The following WAC variants were observed in gnomAD, a reference collection of about 807,000 sequenced individuals.
WAC encodes the protein WW domain-containing adapter protein with coiled-coil.
Under a neutral mutation model 79.6 loss-of-function variants are expected in WAC, and 11 were observed. The observed-to-expected ratio is 0.14, with a 90% CI of 0.09 to 0.23. The LOEUF (loss-of-function observed/expected upper bound fraction) is 0.23, where lower values mean the gene tolerates loss of function less well. WAC is among the 10% of genes least tolerant of loss of function. The probability of loss-of-function intolerance (pLI) is 1.00; values close to 1 mark genes in which losing one functional copy is unlikely to be tolerated. For missense variants in WAC, 728 were observed against 773.5 expected (o/e 0.94, Z 0.70); for synonymous variants, 304 against 276.9 (o/e 1.10, Z -0.97).
intron 5 of WAC, among the ~76,000 whole-genome samples, chr10:28,590,405 T>C (rs1840026563): frequency 6.6e-6 from 1 of 152,058 alleles, no homozygotes; most frequent in Non-Finnish European, 1.5e-5. Flanking sequence ...AATACCTACA[T>C]TTATGCATCT....
At chr10:28,538,967 T>TA (rs1836848932) in intron 3 of WAC, among the ~76,000 whole-genome samples, 1 of 152,052 alleles carries the variant, frequency 6.6e-6, no homozygotes, top group Admixed American at 6.6e-5. Context: ...TCTAAGCATG[T>TA]AAAAAACTTA....
At chr10:28,549,786 G>A (rs1837560303) in intron 3 of WAC, among the ~76,000 whole-genome samples, 1 of 152,118 alleles carries the variant, frequency 6.6e-6, no homozygotes, top group Admixed American at 6.6e-5. Flanking sequence ...AGAGGCCACT[G>A]AAATGAACTG....
At position 28,610,775 on chromosome 10, in the gene WAC, C is replaced by T; in HGVS notation, c.1242C>T (p.Phe414=). The T allele has an allele frequency of 6.2e-7, 1 of 1,612,490 alleles. No individual in the cohort carries two copies. The highest frequency in any genetic ancestry group is 8.5e-7 in the Non-Finnish European group (1 of 1,179,634). The change falls in exon 9 of 14, where the codon TTC becomes TTT. Residue 414 remains phenylalanine (F), a synonymous_variant. Coordinates refer to ENST00000354911, the MANE Select transcript of WAC (RefSeq NM_016628.5). ...HKFLTAGPSA[F]NITSLISQAA... ...TTCTTACTGCTGGACCATCTGCTTT[C>T]AACATAACGTCTCTGATTTCTCAAG... is the stretch of plus-strand genomic sequence containing the variant.
intron 3 of WAC, among the ~76,000 whole-genome samples, chr10:28,578,139 A>G (rs1217230952): frequency 6.6e-6 from 1 of 152,188 alleles, no homozygotes; most frequent in Non-Finnish European, 1.5e-5. Context: ...AGCTTGGGTA[A>G]CTGAGAGATC....
At chr10:28,551,264 T>C (rs773186637) in intron 3 of WAC, among the ~76,000 whole-genome samples, 54 of 152,176 alleles carry the variant, frequency 3.5e-4, no homozygotes, top group Non-Finnish European at 8.8e-5. Context: ...TTTGAACTGG[T>C]GATTCATTAT....
At position 28,608,270 on chromosome 10, in the gene WAC, C is replaced by T; in HGVS notation, c.1004C>T (p.Ala335Val). ...GCCTCTGGACTGAACCCCACATCTG[C>T]ACCTCCAACATCTGCTTCAGCGGTC... ...SSASGLNPTSAPPTSASAVPV... is the reference protein window; with the variant it reads ...SSASGLNPTSVPPTSASAVPV... The change falls in exon 8 of 14, where the codon GCA becomes GTA. Residue 335 changes from alanine to valine, a missense_variant. Ala to Val is a moderately conservative substitution (Grantham distance 64). Transcript: ENST00000354911. 6.2e-7 allele frequency: 1 copy of T among 1,614,224 alleles called. No individual in the cohort carries two copies. Among genetic ancestry groups the T allele is most frequent in the African/African-American group, 1.3e-5 (1 of 75,062 alleles).
At chr10:28,551,821 TC>T (rs1286285502) in intron 3 of WAC, among the ~76,000 whole-genome samples, 35 of 144,122 alleles carry the variant, frequency 2.4e-4, no homozygotes, top group African/African-American at 8.6e-4. Context: ...TGTGTGTGTT[TC>T]TTTTTTTTTT....
chr10:28,583,332 A>G (rs1839636667), intron 3 of WAC, 67 bp from the exon 4 acceptor site: 2 of 1,194,808 alleles, frequency 1.7e-6, no homozygotes, highest in Admixed American at 2.5e-5. Context: ...AGTATGATAG[A>G]AAACAGTTTA....
At chr10:28,580,416 A>G (rs1468762474) in intron 3 of WAC, among the ~76,000 whole-genome samples, 4 of 152,158 alleles carry the variant, frequency 2.6e-5, no homozygotes, top group Non-Finnish European at 5.9e-5. Context: ...TTTGTAATAT[A>G]CCTTATGTTT....
intron 7 of WAC, among the ~76,000 whole-genome samples, chr10:28,597,140 T>C (rs569755133): frequency 2.6e-5 from 4 of 152,244 alleles, no homozygotes; most frequent in African/African-American, 9.6e-5. Context: ...CTTTAGTATA[T>C]ATATCATACA....
intron 3 of WAC, among the ~76,000 whole-genome samples, chr10:28,571,691 A>C (rs1247609334): frequency 1.3e-5 from 2 of 152,202 alleles, no homozygotes; most frequent in Non-Finnish European, 2.9e-5. Context: ...TCAGATTGAG[A>C]GGTGAGTTCC....
intron 7 of WAC, among the ~76,000 whole-genome samples, chr10:28,606,596 C>T (rs535790171): frequency 1.7e-4 from 26 of 152,254 alleles, no homozygotes; most frequent in Admixed American, 1.5e-3. Flanking sequence ...CTAGTTCTTT[C>T]GACCATTATA....
chr10:28,536,323 T>G (rs1836671402), intron 3 of WAC, among the ~76,000 whole-genome samples: 1 of 152,140 alleles, frequency 6.6e-6, no homozygotes, highest in African/African-American at 2.4e-5. Flanking sequence ...ACATGCTTTC[T>G]TAAGGATGGG....
intron 6 of WAC, among the ~76,000 whole-genome samples, chr10:28,595,195 A>G (rs1840294097): frequency 6.6e-6 from 1 of 152,188 alleles, no homozygotes; most frequent in South Asian, 2.1e-4. Flanking sequence ...TCTTAAAATG[A>G]TTTCATTTAA....
chr10:28,548,763 A>G (rs1299039972), intron 3 of WAC, among the ~76,000 whole-genome samples: 4 of 152,186 alleles, frequency 2.6e-5, no homozygotes, highest in African/African-American at 7.2e-5. Context: ...AACTCTATCA[A>G]ATAGAATATA....
At chr10:28,535,802 T>C in intron 3 of WAC, 45 bp downstream of exon 3, 1 of 1,495,994 alleles carries the variant, frequency 6.7e-7, no homozygotes, top group Non-Finnish European at 9.1e-7. Context: ...GTTTTAACAA[T>C]AGCTCTATAT....
At chr10:28,619,013 T>C (rs760622135) in intron 13 of WAC, among the ~76,000 whole-genome samples, 21 of 152,254 alleles carry the variant, frequency 1.4e-4, no homozygotes, top group Admixed American at 2.0e-4. Flanking sequence ...GCGCGGTGGC[T>C]AACGCCTGTA....
chr10:28,533,724 C>A, intron 1 of WAC, 104 bp downstream of exon 1: 1 of 1,380,146 alleles, frequency 7.2e-7, no homozygotes, highest in Non-Finnish European at 9.9e-7. Flanking sequence ...TTGTTGTTAA[C>A]CCTGATCCGG....
intron 12 of WAC, 121 bp from the exon 13 acceptor site, chr10:28,617,536 G>A: frequency 1.1e-6 from 1 of 895,634 alleles, no homozygotes; most frequent in East Asian, 3.4e-5. Context: ...GCATTTTTGT[G>A]TATTGAAGGG....
Sources: allele counts gnomAD v4.1 joint callset (sites outside exome capture counted in the v4.1 genomes callset), GRCh38; gene constraint gnomAD v4.1.1; transcripts MANE v1.5; gene names NCBI Gene and HGNC (gene_info 2026-07-23, HGNC 2026-07-21).